Variants in PTPRG observed in about 807,000 individuals in gnomAD.
The protein encoded by PTPRG is protein tyrosine phosphatase receptor type G.
In PTPRG, 102 loss-of-function variants were observed where a neutral mutation model predicts 165.3. That is an observed-to-expected ratio of 0.62 (90% CI 0.53 to 0.73). PTPRG has a LOEUF of 0.73. Ranked by LOEUF, PTPRG falls within the 30% of genes least tolerant of loss-of-function variation. PTPRG has a pLI of 0.00. For synonymous variants in PTPRG, 675 were observed against 669.5 expected, an observed-to-expected ratio of 1.01 and a Z score of -0.13; for missense variants, 1,866 against 1,861.4, an observed-to-expected ratio of 1.00 and a Z score of -0.05.
chr3:62,115,005 A>G (rs1249058689), intron 5 of PTPRG, among the ~76,000 whole-genome samples: 4 of 152,180 alleles, frequency 2.6e-5, no homozygotes, highest in Non-Finnish European at 2.9e-5. Context: ...TTGGGCTACT[A>G]TTTACTGACA....
intron 2 of PTPRG, among the ~76,000 whole-genome samples, chr3:61,925,680 T>A (rs1575791098): frequency 6.6e-6 from 1 of 151,786 alleles, no homozygotes; most frequent in East Asian, 1.9e-4. Flanking sequence ...GAGGCGGAGG[T>A]TGCAGTGAGC....
intron 2 of PTPRG, among the ~76,000 whole-genome samples, chr3:61,898,982 C>T (rs539291307): frequency 6.6e-6 from 1 of 152,268 alleles, no homozygotes; most frequent in South Asian, 2.1e-4. Context: ...CATCATGGCT[C>T]ACTGTAGCCT....
intron 4 of PTPRG, among the ~76,000 whole-genome samples, chr3:62,047,346 G>A (rs555029281): frequency 1.3e-5 from 2 of 151,938 alleles, no homozygotes; most frequent in Admixed American, 6.6e-5. Context: ...TGCAACCTCC[G>A]CCTCCCGGGT....
rs554744032 is a variant in PTPRG, at chr3:61,848,466, C to T, written c.190+99484C>T. On this transcript the variant is annotated intron_variant, in intron 2 of 29. Transcript: ENST00000474889. ...GAATTAAAGGAAAATGCTGAAGGAA[C>T]ATTTGCATTTTTTATCTTTTCCAAG... Among the ~76,000 whole-genome samples the T allele has an allele frequency of 1.9e-4, 29 of 152,334 alleles. 1 individual carries two copies. In the South Asian group the frequency reaches 5.2e-3, roughly 27 times the overall value.
At chr3:61,975,784 A>T (rs2040488301) in intron 2 of PTPRG, among the ~76,000 whole-genome samples, 1 of 152,212 alleles carries the variant, frequency 6.6e-6, no homozygotes, top group East Asian at 1.9e-4. Flanking sequence ...TAAAATTATA[A>T]TAATTCCTGT....
chr3:61,570,084 T>G (rs896088575), intron 1 of PTPRG, among the ~76,000 whole-genome samples: 15 of 152,200 alleles, frequency 9.9e-5, no homozygotes, highest in Admixed American at 8.5e-4. Flanking sequence ...TTACTGGGAT[T>G]CAATTTGGCT....
At chr3:62,293,048 A>T (rs530569797) in intron 29 of PTPRG, 113 bp from the exon 30 acceptor site, 8 of 888,638 alleles carry the variant, frequency 9.0e-6, no homozygotes, top group Non-Finnish European at 1.2e-5. Context: ...CATTTATGCT[A>T]TTGCTGTTTC....
intron 2 of PTPRG, among the ~76,000 whole-genome samples, chr3:61,825,301 A>C (rs1036295624): frequency 6.6e-6 from 1 of 152,180 alleles, no homozygotes; most frequent in Non-Finnish European, 1.5e-5. Context: ...CCAGTAAGTT[A>C]AATGCTTCAA....
intron 1 of PTPRG, among the ~76,000 whole-genome samples, chr3:61,610,162 A>T (rs1205158230): frequency 6.6e-6 from 1 of 151,380 alleles, no homozygotes; most frequent in African/African-American, 2.4e-5. Context: ...TAATCTGTAA[A>T]ATGAGAGCAA....
intron 5 of PTPRG, among the ~76,000 whole-genome samples, chr3:62,087,414 C>T (rs1701788274): frequency 6.6e-6 from 1 of 152,178 alleles, no homozygotes; most frequent in African/African-American, 2.4e-5. Context: ...TTTCCTCCCC[C>T]AGATAAATTA....
intron 1 of PTPRG, among the ~76,000 whole-genome samples, chr3:61,569,330 CATT>C (rs1306107868): frequency 2.0e-5 from 3 of 152,268 alleles, no homozygotes; most frequent in East Asian, 1.9e-4. Flanking sequence ...CTCTGTGCCT[CATT>C]ATTTTTTTCT....
At position 61,646,460 on chromosome 3, in the gene PTPRG, T is replaced by A. The variant is rs1198583683; in HGVS notation, c.85+84088T>A. On this transcript the variant is annotated intron_variant, in intron 1 of 29. Coordinates refer to ENST00000474889, the MANE Select transcript of PTPRG (RefSeq NM_002841.4). ...CTGCCTTCTTTGTCCAAAACTCTTC[T>A]GGAATTACACATCTAGAAATGCTCC... 2.0e-5 allele frequency among the ~76,000 whole-genome samples: 3 copies of A among 152,222 alleles called. No homozygotes were observed. In the East Asian group the frequency reaches 5.8e-4, roughly 29 times the overall value.
At chr3:61,680,501 G>GAAAAAAAAAAAAAAAAAA (rs34153657) in intron 1 of PTPRG, among the ~76,000 whole-genome samples, 1 of 85,226 alleles carries the variant, frequency 1.2e-5, no homozygotes, top group Non-Finnish European at 2.4e-5. Context: ...TCAGCTTTAT[G>GAAAAAAAAAAAAAAAAAA]AAAAAAAAAA....
At chr3:61,689,350 A>G (rs1425188660) in intron 1 of PTPRG, among the ~76,000 whole-genome samples, 1 of 152,230 alleles carries the variant, frequency 6.6e-6, no homozygotes, top group Non-Finnish European at 1.5e-5. Context: ...ACTGGGTCTT[A>G]GCAAAAAGTC....
At chr3:61,902,608 T>C (rs539959972) in intron 2 of PTPRG, among the ~76,000 whole-genome samples, 65 of 152,292 alleles carry the variant, frequency 4.3e-4, no homozygotes, top group Non-Finnish European at 6.2e-4. Context: ...TTGTAAAATA[T>C]AAAAGCACTT....
At chr3:61,599,514 A>G (rs1456501781) in intron 1 of PTPRG, among the ~76,000 whole-genome samples, 2 of 151,820 alleles carry the variant, frequency 1.3e-5, no homozygotes, top group Non-Finnish European at 2.9e-5. Context: ...TTAGTTTGAG[A>G]CAGGGTCTAG....
chr3:61,826,028 G>A (rs1230382763), intron 2 of PTPRG, among the ~76,000 whole-genome samples: 1 of 152,150 alleles, frequency 6.6e-6, no homozygotes, highest in Admixed American at 6.5e-5. Context: ...GAACTACTTA[G>A]CACTCTGCAT....
At chr3:62,020,836 G>GT (rs1323083415) in intron 4 of PTPRG, among the ~76,000 whole-genome samples, 15 of 101,412 alleles carry the variant, frequency 1.5e-4, no homozygotes, top group South Asian at 9.4e-4. Flanking sequence ...CCATGCACAG[G>GT]TTTTTTTTGT....
At chr3:61,653,110 G>C (rs1702404856) in intron 1 of PTPRG, among the ~76,000 whole-genome samples, 3 of 151,580 alleles carry the variant, frequency 2.0e-5, no homozygotes, top group Non-Finnish European at 2.9e-5. Flanking sequence ...CAAAAGAAGA[G>C]ACAATTTAAA....
Sources: gnomAD v4.1 joint callset for allele counts (sites outside exome capture counted in the v4.1 genomes callset) on GRCh38, gnomAD v4.1.1 for gene constraint, MANE v1.5 for transcripts, NCBI Gene and HGNC (gene_info 2026-07-23, HGNC 2026-07-21) for gene names.